The following BTG1 variants were observed in gnomAD, a reference collection of about 807,000 sequenced individuals.
BTG1 encodes the protein protein BTG1.
In BTG1, 2 loss-of-function variants were observed where a neutral mutation model predicts 15.2. The observed-to-expected ratio is 0.13, with a 90% CI of 0.05 to 0.41. The LOEUF is 0.41. Among genes scored for constraint, BTG1 ranks in the 10% least tolerant of loss-of-function variants. BTG1 has a pLI of 0.99. For missense variants in BTG1, 149 were observed against 215.0 expected, an observed-to-expected ratio of 0.69 and a Z score of 1.92; for synonymous variants, 109 against 82.4, an observed-to-expected ratio of 1.32 and a Z score of -1.75.
At chr12:92,144,523 C>T (rs28399540) in intron 1 of BTG1, 76 bp from the exon 2 acceptor site, 28 of 1,571,348 alleles carry the variant, frequency 1.8e-5, no homozygotes, top group Non-Finnish European at 2.4e-5. Flanking sequence ...CTACCCCAGG[C>T]TCCTTTGAGG....
Position 92,145,728 on chromosome 12 carries a change from A to G in BTG1, c.-193T>C, listed in dbSNP as rs1473286387. On this transcript the variant is annotated 5_prime_UTR_variant, in exon 1 of 2. Coordinates refer to ENST00000256015, the MANE Select transcript of BTG1 (RefSeq NM_001731.3). ...TTTTCGAGACAGGAGGCGGCAGGAG[A>G]GAGGAAGAGACGAGCGATGGCGGCC... The G allele has an allele frequency of 3.0e-6, 1 of 337,110 alleles. No homozygotes were observed. The highest frequency in any genetic ancestry group is 5.2e-6 in the Non-Finnish European group (1 of 192,596). The allele number at this position is 337,110 out of a possible 1,614,324, so 20.9% of individuals were successfully genotyped here.
rs1592656198 is a variant in BTG1, at chr12:92,142,467, T to C, written c.*1613A>G. The C allele has an allele frequency of 4.3e-6, 1 of 231,636 alleles. No homozygotes were observed. The highest frequency in any genetic ancestry group is 6.1e-5 in the East Asian group (1 of 16,302). 14.3% of individuals were successfully genotyped at this position (231,636 alleles called of 1,614,324 possible). ...CTAAACAGCAAGTCCTTCTATTATA[T>C]GGGGTAGTGAAGTAATCTACACTAC... On this transcript the variant is annotated 3_prime_UTR_variant, in exon 2 of 2. Coordinates refer to ENST00000256015, the MANE Select transcript of BTG1 (RefSeq NM_001731.3).
chr12:92,140,355 CAAAA>C lies in BTG1; in HGVS notation c.*3721_*3724del, dbSNP rs199977695. The C allele has an allele frequency of 4.8e-6, 1 of 209,176 alleles. No individual in the cohort carries two copies. The highest frequency in any genetic ancestry group is 9.6e-6 in the Non-Finnish European group (1 of 103,934). 13.0% of individuals were successfully genotyped at this position (209,176 alleles called of 1,614,324 possible). A position where few individuals can be genotyped will look rare whatever the true frequency, so the allele number is the denominator to read the frequency against. On this transcript the variant is annotated 3_prime_UTR_variant, in exon 2 of 2. Coordinates refer to ENST00000256015, the MANE Select transcript of BTG1 (RefSeq NM_001731.3). ...TGATAAGCCAAGTTAAACCTGCAGT[CAAAA>C]AAAAACTGGTGTCAATCATACTCCA...
At chr12:92,145,243 C>T (rs1366347347) in intron 1 of BTG1, 145 bp downstream of exon 1, 4 of 1,233,568 alleles carry the variant, frequency 3.2e-6, no homozygotes, top group Non-Finnish European at 4.2e-6. Context: ...TGTTAGCGGC[C>T]ACCCAGCGCA....
rs775649447 is a variant in BTG1, at chr12:92,145,582, G to A, written c.-47C>T. 1 of 1,259,588 alleles carries A rather than the reference G, an allele frequency of 7.9e-7. No individual in the cohort carries two copies. The highest frequency in any genetic ancestry group is 3.2e-5 in the South Asian group (1 of 31,426). 78.0% of individuals were successfully genotyped at this position (1,259,588 alleles called of 1,614,324 possible). ...CCCGGGGCGGCTGGGGCTCGGCGGC[G>A]CGGCCCCGACGGCGGAGCAGCCACC... On this transcript the variant is annotated 5_prime_UTR_variant, in exon 1 of 2. Transcript: ENST00000256015.
intron 1 of BTG1, 107 bp downstream of exon 1, chr12:92,145,281 A>C (rs1011904393): frequency 2.3e-6 from 3 of 1,326,278 alleles, no homozygotes; most frequent in African/African-American, 1.5e-5. Context: ...GCGGGGCCCA[A>C]GCGCGACCGG....
In BTG1 at chr12:92,143,605, T is replaced by C. The variant is rs1453032225; in HGVS notation, c.*475A>G. The C allele has an allele frequency of 8.3e-6, 2 of 242,092 alleles. No homozygotes were observed. Among genetic ancestry groups the C allele is most frequent in the African/African-American group, 4.4e-5 (2 of 45,396 alleles). The allele number at this position is 242,092 out of a possible 1,614,324, so 15.0% of individuals were successfully genotyped here. ...TGTACATTTATACATATTTAAGTGC[T>C]AGGTAAAAGTCTTGTAAAATTTCCA... On this transcript the variant is annotated 3_prime_UTR_variant, in exon 2 of 2. Transcript: ENST00000256015.
Position 92,145,494 on chromosome 12 carries a change from C to G in BTG1, c.42G>C (p.Glu14Asp). 1 of 1,586,146 alleles carries G rather than the reference C, an allele frequency of 6.3e-7. No individual in the cohort carries two copies. The highest frequency in any genetic ancestry group is 8.6e-7 in the Non-Finnish European group (1 of 1,167,868). ...AGATGAAGGACACGGCGGCGGCGAT[C>G]TCGCCTATCATGGTGGCGGCCCGGG... ...FYTRAATMIGEIAAAVSFISK... is the reference protein window; with the variant it reads ...FYTRAATMIGDIAAAVSFISK... The change falls in exon 1 of 2, where the codon GAG becomes GAC. Residue 14 changes from glutamate (E) to aspartate (D), a missense_variant. Physicochemically the swap from Glu to Asp is conservative, Grantham distance 45. This residue lies in a region of BTG1 where 63 missense variants were observed against 60.8 expected (regional missense o/e 1.04). Coordinates refer to ENST00000256015, the MANE Select transcript of BTG1 (RefSeq NM_001731.3).
Position 92,144,062 on chromosome 12 carries a change from C to G in BTG1, c.*18G>C. The G allele has an allele frequency of 6.2e-7, 1 of 1,606,556 alleles. No individual in the cohort carries two copies. The highest frequency in any genetic ancestry group is 8.5e-7 in the Non-Finnish European group (1 of 1,178,722). On this transcript the variant is annotated 3_prime_UTR_variant, in exon 2 of 2. Transcript: ENST00000256015. ...AATTTATCCATCATCATCAGATGAT[C>G]CATCCACAGACTATATCTTAACCTG...
At chr12:92,144,499 A>G in intron 1 of BTG1, 52 bp from the exon 2 acceptor site, 2 of 1,594,016 alleles carry the variant, frequency 1.3e-6, no homozygotes, top group Non-Finnish European at 1.7e-6. Context: ...GTTAGCTCCC[A>G]CTGCGGATTC....
In BTG1 at chr12:92,144,103, T is replaced by G. The variant is rs1195822795; in HGVS notation, c.493A>C (p.Asn165His). The change falls in exon 2 of 2, where the codon AAT (asparagine) becomes CAT (histidine). Residue 165 changes from asparagine to histidine, a missense_variant. Asn to His is a moderately conservative substitution (Grantham distance 68). Around this residue, in one of 3 missense-constraint regions of BTG1, gnomAD observed 52 missense variants for 57.4 expected, o/e 0.91. Transcript: ENST00000256015. ...LGRTSPSKNY[N>H]MMTVSG ...TCTTAACCTGATACAGTCATCATAT[T>G]GTAGTTTTTGGAAGGGCTCGTTCTG... 1.2e-6 allele frequency: 2 copies of G among 1,612,738 alleles called. No homozygotes were observed. The highest frequency in any genetic ancestry group is 1.7e-6 in the Non-Finnish European group (2 of 1,179,924).
rs1239650137 is a variant in BTG1, at chr12:92,142,908, G to C, written c.*1172C>G. The C allele has an allele frequency of 8.6e-6, 2 of 232,732 alleles. No individual in the cohort carries two copies. Among genetic ancestry groups the C allele is most frequent in the Non-Finnish European group, 1.7e-5 (2 of 117,796 alleles). The allele number at this position is 232,732 out of a possible 1,614,324, so 14.4% of individuals were successfully genotyped here. On this transcript the variant is annotated 3_prime_UTR_variant, in exon 2 of 2. Transcript: ENST00000256015. ...TTATCCTTATTTCATGAGATCATTA[G>C]CCTGTGAATGTGTCCATGTTTTGAC...
Position 92,141,891 on chromosome 12 carries a change from C to T in BTG1, c.*2189G>A, listed in dbSNP as rs927302212. On this transcript the variant is annotated 3_prime_UTR_variant, in exon 2 of 2. Coordinates refer to ENST00000256015, the MANE Select transcript of BTG1 (RefSeq NM_001731.3). ...AAACAACTTTCCATTTGAAAAAAGG[C>T]TTTATGATAAAAAAAAAAAATGGTT... 23 of 230,866 alleles carry T rather than the reference C, an allele frequency of 1.0e-4. No individual in the cohort carries two copies. The allele number at this position is 230,866 out of a possible 1,614,324, so 14.3% of individuals were successfully genotyped here. A position where few individuals can be genotyped will look rare whatever the true frequency, so the allele number is the denominator to read the frequency against.
At position 92,145,609 on chromosome 12, in the gene BTG1, C is replaced by T; in HGVS notation, c.-74G>A. On this transcript the variant is annotated 5_prime_UTR_variant, in exon 1 of 2. Coordinates refer to ENST00000256015, the MANE Select transcript of BTG1 (RefSeq NM_001731.3). ...GGCCCCGACGGCGGAGCAGCCACCCCGGGCTTCCTCACCGGGCGGAAGGCT... is the reference window on the plus strand; with the variant it reads ...GGCCCCGACGGCGGAGCAGCCACCCTGGGCTTCCTCACCGGGCGGAAGGCT... The T allele has an allele frequency of 4.6e-6, 5 of 1,094,384 alleles. No homozygotes were observed. The highest frequency in any genetic ancestry group is 5.9e-6 in the Non-Finnish European group (5 of 851,170). 67.8% of individuals were successfully genotyped at this position (1,094,384 alleles called of 1,614,324 possible). A position where few individuals can be genotyped will look rare whatever the true frequency, so the allele number is the denominator to read the frequency against.
At position 92,142,610 on chromosome 12, in the gene BTG1, T is replaced by C. The variant is rs139646823; in HGVS notation, c.*1470A>G. ...GAATAAAAGTTCATAAACATACCTTTTGTTGAATTCCAGCTTATGTGATTT... is the reference window on the plus strand; with the variant it reads ...GAATAAAAGTTCATAAACATACCTTCTGTTGAATTCCAGCTTATGTGATTT... On this transcript the variant is annotated 3_prime_UTR_variant, in exon 2 of 2. Coordinates refer to ENST00000256015, the MANE Select transcript of BTG1 (RefSeq NM_001731.3). 90 of 233,016 alleles carry C rather than the reference T, an allele frequency of 3.9e-4. No individual in the cohort carries two copies. The East Asian group carries it at 5.3e-3, about 14-fold the overall frequency. The allele number at this position is 233,016 out of a possible 1,614,324, so 14.4% of individuals were successfully genotyped here.
At chr12:92,145,070 C>A in intron 1 of BTG1, 1 of 216,602 alleles carries the variant, frequency 4.6e-6, no homozygotes, top group South Asian at 1.0e-4. Context: ...CCCAGCCCCA[C>A]GGCTCCTTTG....
At position 92,142,925 on chromosome 12, in the gene BTG1, T is replaced by C. The variant is rs1228848280; in HGVS notation, c.*1155A>G. On this transcript the variant is annotated 3_prime_UTR_variant, in exon 2 of 2. Transcript: ENST00000256015. Reference sequence around the variant, plus strand: ...GATCATTAGCCTGTGAATGTGTCCATGTTTTGACTTTAGAAATTTTTAAAA... The same window carrying C: ...GATCATTAGCCTGTGAATGTGTCCACGTTTTGACTTTAGAAATTTTTAAAA... 1 of 233,008 alleles carries C rather than the reference T, an allele frequency of 4.3e-6. No individual in the cohort carries two copies. The highest frequency in any genetic ancestry group is 8.5e-6 in the Non-Finnish European group (1 of 117,982). The allele number at this position is 233,008 out of a possible 1,614,324, so 14.4% of individuals were successfully genotyped here. A position where few individuals can be genotyped will look rare whatever the true frequency, so the allele number is the denominator to read the frequency against.
Position 92,145,506 on chromosome 12 carries a change from G to A in BTG1, c.30C>T (p.Thr10=). 1.3e-6 allele frequency: 2 copies of A among 1,579,310 alleles called. No individual in the cohort carries two copies. The highest frequency in any genetic ancestry group is 1.7e-6 in the Non-Finnish European group (2 of 1,164,564). The part of the protein sequence containing the change: MHPFYTRAA[T]MIGEIAAAVS... Reference sequence around the variant, plus strand: ...CGGCGGCGGCGATCTCGCCTATCATGGTGGCGGCCCGGGTGTAGAAGGGAT... The same window carrying A: ...CGGCGGCGGCGATCTCGCCTATCATAGTGGCGGCCCGGGTGTAGAAGGGAT... The change falls in exon 1 of 2, where the codon ACC becomes ACT. Residue 10 remains threonine, a synonymous_variant. Coordinates refer to ENST00000256015, the MANE Select transcript of BTG1 (RefSeq NM_001731.3).
intron 1 of BTG1, 124 bp from the exon 2 acceptor site, chr12:92,144,571 G>A: frequency 1.5e-6 from 2 of 1,312,490 alleles, no homozygotes; most frequent in Non-Finnish European, 2.1e-6. Context: ...AAAATGTCCA[G>A]GATTGCATCC....
Sources: allele counts gnomAD v4.1 joint callset, GRCh38; gene constraint gnomAD v4.1.1; regional missense constraint gnomAD v4.1.1; transcripts MANE v1.5; gene names NCBI Gene and HGNC (gene_info 2026-07-23, HGNC 2026-07-21).